Variants in DGKB observed in about 807,000 individuals in gnomAD.
DGKB encodes the protein 90 kDa diacylglycerol kinase.
A neutral mutation model predicts 114.3 loss-of-function variants in DGKB; 67 were observed. That is an observed-to-expected ratio of 0.59 (90% CI 0.48 to 0.72). The LOEUF (loss-of-function observed/expected upper bound fraction) is 0.72, where lower values mean the gene tolerates loss of function less well. Among genes scored for constraint, DGKB ranks in the 30% least tolerant of loss-of-function variants. DGKB has a pLI of 0.00. For missense variants in DGKB, 907 were observed against 975.2 expected (o/e 0.93, Z 0.93); for synonymous variants, 398 against 323.1 (o/e 1.23, Z -2.49).
intron 20 of DGKB, among the ~76,000 whole-genome samples, chr7:14,480,004 T>C (rs78506377): frequency 0.012 from 1,825 of 152,096 alleles, 16 homozygotes; most frequent in Non-Finnish European, 0.02. Flanking sequence ...TTCTGCTAAG[T>C]TGGGGAGACT....
chr7:14,510,149 T>G (rs1179637328), intron 20 of DGKB, among the ~76,000 whole-genome samples: 1 of 152,220 alleles, frequency 6.6e-6, no homozygotes, highest in African/African-American at 2.4e-5. Context: ...CTGGGGTGGC[T>G]GTGGCAATTT....
At chr7:14,637,175 A>T (rs1054766532) in intron 13 of DGKB, among the ~76,000 whole-genome samples, 1 of 152,008 alleles carries the variant, frequency 6.6e-6, no homozygotes, top group African/African-American at 2.4e-5. Context: ...AGGAATACTC[A>T]GCATTAGTCA....
chr7:14,294,603 T>C lies in DGKB; in HGVS notation c.2122+43912A>G, dbSNP rs150134391. Among the ~76,000 whole-genome samples the C allele has an allele frequency of 2.7e-3, 407 of 152,348 alleles. 2 individuals carry two copies. Among genetic ancestry groups the C allele is most frequent in the Non-Finnish European group, 4.5e-3 (304 of 68,018 alleles). On this transcript the variant is annotated intron_variant, in intron 23 of 25. Transcript: ENST00000402815. ...ATTCAGCTAAAGTTTATAGGGCTAA[T>C]AAAAATACTTGTTTCATTGTCCTGA... is the stretch of plus-strand genomic sequence containing the variant.
In DGKB at chr7:14,864,387, A is replaced by T. The variant is rs1458697872; in HGVS notation, c.-187-22937T>A. ...TTAGTGGATCATATGAGCACTTGAA[A>T]TGCACCATCCTTCAATCAATATGTC... On this transcript the variant is annotated intron_variant, in intron 1 of 25. Coordinates refer to ENST00000402815, the MANE Select transcript of DGKB (RefSeq NM_001350709.2). Among the ~76,000 whole-genome samples, 5 of 152,124 alleles carry T rather than the reference A, an allele frequency of 3.3e-5. No individual in the cohort carries two copies. In the East Asian group the frequency reaches 9.7e-4, roughly 29 times the overall value.
intron 21 of DGKB, among the ~76,000 whole-genome samples, chr7:14,359,377 C>T (rs1288565270): frequency 6.6e-6 from 1 of 152,028 alleles, no homozygotes. Flanking sequence ...AGAAGAAAAC[C>T]TAGGCAATAC....
Position 14,675,022 on chromosome 7 carries a change from T to G in DGKB, c.1036-1995A>C, listed in dbSNP as rs184101137. Reference sequence around the variant, plus strand: ...AAAGAGAGATTATGGGTCTTAAGACTCTGCTGCACTATGGATGTCACAGAG... The same window carrying G: ...AAAGAGAGATTATGGGTCTTAAGACGCTGCTGCACTATGGATGTCACAGAG... On this transcript the variant is annotated intron_variant, in intron 12 of 25. Coordinates refer to ENST00000402815, the MANE Select transcript of DGKB (RefSeq NM_001350709.2). 8.0e-4 allele frequency among the ~76,000 whole-genome samples: 122 copies of G among 152,256 alleles called. 1 individual carries two copies. Among genetic ancestry groups the G allele is most frequent in the Non-Finnish European group, 2.8e-4 (19 of 68,010 alleles).
At chr7:14,361,794 A>G (rs1041972460) in intron 21 of DGKB, among the ~76,000 whole-genome samples, 4 of 152,024 alleles carry the variant, frequency 2.6e-5, no homozygotes, top group Admixed American at 1.3e-4. Flanking sequence ...CCAATTGGGA[A>G]TATTTTTACA....
At chr7:14,693,014 A>G (rs975526998) in intron 9 of DGKB, among the ~76,000 whole-genome samples, 1 of 152,200 alleles carries the variant, frequency 6.6e-6, no homozygotes, top group South Asian at 2.1e-4. Flanking sequence ...TGTTTCACAA[A>G]CACAGACAGT....
intron 2 of DGKB, among the ~76,000 whole-genome samples, chr7:14,774,319 G>C (rs1309770837): frequency 1.3e-5 from 2 of 152,136 alleles, no homozygotes; most frequent in Non-Finnish European, 2.9e-5. Context: ...CAAGAACTTT[G>C]CCTAAGGCAC....
chr7:14,308,717 G>T (rs188664775), intron 23 of DGKB, among the ~76,000 whole-genome samples: 81 of 152,294 alleles, frequency 5.3e-4, no homozygotes, highest in African/African-American at 1.9e-3. Flanking sequence ...ACCTGAAAGA[G>T]GGACTAGGCA....
Position 14,757,724 on chromosome 7 carries a change from T to C in DGKB, c.78A>G (p.Thr26=), listed in dbSNP as rs368114427. The C allele has an allele frequency of 1.5e-4, 235 of 1,595,252 alleles. 1 individual carries two copies. The African/African-American group carries it at 2.7e-3, about 18-fold the overall frequency. ...CTTCAAGAACATCCTTTAATTTCTT[T>C]GTAGAATCTATAAAAAACAGAAAAC... is the stretch of plus-strand genomic sequence containing the variant. ...SQLQKYAEYS[T]KKLKDVLEEF... Residue 26 remains threonine, a synonymous_variant, in exon 3 of 26, where the codon ACA becomes ACG. Transcript: ENST00000402815.
chr7:14,697,554 T>C (rs186657175), intron 8 of DGKB, among the ~76,000 whole-genome samples: 12 of 152,148 alleles, frequency 7.9e-5, no homozygotes, highest in African/African-American at 2.7e-4. Context: ...ATATACCTTG[T>C]TATCTTATTC....
chr7:14,753,172 A>C (rs947368327), intron 4 of DGKB, among the ~76,000 whole-genome samples: 4 of 152,356 alleles, frequency 2.6e-5, no homozygotes, highest in Admixed American at 1.3e-4. Flanking sequence ...AAACAATTTA[A>C]GAATAAGAAG....
chr7:14,203,623 C>T (rs1341096491), intron 23 of DGKB, among the ~76,000 whole-genome samples: 2 of 151,910 alleles, frequency 1.3e-5, no homozygotes, highest in Non-Finnish European at 2.9e-5. Context: ...GAAGGGGTCA[C>T]CATTCACATT....
intron 16 of DGKB, among the ~76,000 whole-genome samples, 167 bp from the exon 17 acceptor site, chr7:14,607,675 G>T (rs993437215): frequency 2.4e-4 from 36 of 151,766 alleles, no homozygotes; most frequent in Middle Eastern, 6.8e-3. Flanking sequence ...AAGTCCAACA[G>T]CTCAATAGGA....
intron 13 of DGKB, among the ~76,000 whole-genome samples, chr7:14,667,818 T>C (rs891871496): frequency 6.6e-6 from 1 of 152,116 alleles, no homozygotes; most frequent in African/African-American, 2.4e-5. Flanking sequence ...ATATTTTTAT[T>C]CCGTGACAAG....
chr7:14,779,939 C>A (rs1026935244), intron 2 of DGKB, among the ~76,000 whole-genome samples: 1 of 152,104 alleles, frequency 6.6e-6, no homozygotes, highest in Non-Finnish European at 1.5e-5. Context: ...CTTTTTCCAC[C>A]TTTTCTTAAC....
chr7:14,661,127 T>A, intron 13 of DGKB, among the ~76,000 whole-genome samples: 1 of 151,996 alleles, frequency 6.6e-6, no homozygotes, highest in Admixed American at 6.6e-5. Flanking sequence ...GCTTTACCAT[T>A]CGGGACATAG....
At chr7:14,835,455 C>A (rs930261370) in intron 2 of DGKB, among the ~76,000 whole-genome samples, 1 of 152,166 alleles carries the variant, frequency 6.6e-6, no homozygotes, top group Admixed American at 6.5e-5. Context: ...TGTCTGACAT[C>A]AAATTATGTG....
Sources: gnomAD v4.1 joint callset for allele counts (sites outside exome capture counted in the v4.1 genomes callset) on GRCh38, gnomAD v4.1.1 for gene constraint, MANE v1.5 for transcripts, NCBI Gene and HGNC (gene_info 2026-07-23, HGNC 2026-07-21) for gene names.